The following SGMS1 variants were observed in gnomAD, a reference collection of about 807,000 sequenced individuals.
SGMS1 encodes the protein sphingomyelin synthase 1, also known as phosphatidylcholine:ceramide cholinephosphotransferase 1.
In SGMS1, 13 loss-of-function variants were observed where a neutral mutation model predicts 46.2. The observed-to-expected ratio is 0.28, with a 90% CI of 0.18 to 0.45. The LOEUF (loss-of-function observed/expected upper bound fraction) is 0.45. SGMS1 is among the 20% of genes least tolerant of loss of function. The probability of loss-of-function intolerance (pLI) is 1.00; values close to 1 mark genes in which losing one functional copy is unlikely to be tolerated. For synonymous variants in SGMS1, 203 were observed against 187.8 expected, an observed-to-expected ratio of 1.08 and a Z score of -0.66; for missense variants, 324 against 519.9, an observed-to-expected ratio of 0.62 and a Z score of 3.66.
chr10:50,574,291 A>C (rs1838361311), intron 2 of SGMS1, among the ~76,000 whole-genome samples: 1 of 152,150 alleles, frequency 6.6e-6, no homozygotes, highest in East Asian at 1.9e-4. Flanking sequence ...AACTCCAAAA[A>C]CTCAATAGCA....
chr10:50,413,436 T>C (rs1849128098), intron 6 of SGMS1, among the ~76,000 whole-genome samples: 1 of 152,242 alleles, frequency 6.6e-6, no homozygotes, highest in African/African-American at 2.4e-5. Context: ...TAAAGCTACT[T>C]GGTGATTTCG....
intron 7 of SGMS1, among the ~76,000 whole-genome samples, chr10:50,332,800 A>G (rs926506921): frequency 2.0e-5 from 3 of 150,856 alleles, no homozygotes; most frequent in African/African-American, 7.3e-5. Context: ...TTTTTAAAAA[A>G]TTTTCTGTAA....
At chr10:50,319,321 TC>T (rs948996661) in intron 8 of SGMS1, among the ~76,000 whole-genome samples, 35 of 152,288 alleles carry the variant, frequency 2.3e-4, no homozygotes, top group African/African-American at 8.2e-4. Context: ...TTTTCCTGGG[TC>T]CCTTGGGAAG....
At chr10:50,350,719 C>T (rs1898196) in intron 6 of SGMS1, among the ~76,000 whole-genome samples, 22,927 of 152,164 alleles carry the variant, frequency 0.15, 2,105 homozygotes, top group East Asian at 0.22. Flanking sequence ...GTTGAGCCTG[C>T]GGGTGCACAG....
At chr10:50,430,431 CATGT>C (rs1849391738) in intron 6 of SGMS1, among the ~76,000 whole-genome samples, 2 of 136,504 alleles carry the variant, frequency 1.5e-5, no homozygotes, top group South Asian at 4.6e-4. Context: ...GAAAATAAAG[CATGT>C]ATCTAATCTC....
chr10:50,586,601 A>C (rs1838486674), intron 2 of SGMS1, among the ~76,000 whole-genome samples: 1 of 152,246 alleles, frequency 6.6e-6, no homozygotes. Flanking sequence ...TAGAGAAAGT[A>C]ATAATGGCAG....
Position 50,576,705 on chromosome 10 carries a change from T to C in SGMS1, c.-589+13448A>G, listed in dbSNP as rs567137843. 1.2e-4 allele frequency among the ~76,000 whole-genome samples: 12 copies of C among 100,386 alleles called. No homozygotes were observed. In the South Asian group the frequency reaches 4.3e-3, roughly 36 times the overall value. The allele number at this position is 100,386 out of a possible 152,430, so 65.9% of individuals were successfully genotyped here. A position where few individuals can be genotyped will look rare whatever the true frequency, so the allele number is the denominator to read the frequency against. ...AAATTTTTTGAATCAGAAAATCATC[T>C]ATGTCATAAGTGCAACCCTTATTTC... On this transcript the variant is annotated intron_variant, in intron 2 of 10. Transcript: ENST00000361781.
At chr10:50,316,698 C>A (rs1000537779) in intron 8 of SGMS1, among the ~76,000 whole-genome samples, 2 of 152,152 alleles carry the variant, frequency 1.3e-5, no homozygotes, top group African/African-American at 4.8e-5. Context: ...TTATCATCCA[C>A]AAAATGCTAA....
intron 3 of SGMS1, among the ~76,000 whole-genome samples, chr10:50,467,974 G>A (rs977198234): frequency 2.6e-5 from 4 of 152,160 alleles, no homozygotes; most frequent in South Asian, 2.1e-4. Context: ...AGGAGGAATG[G>A]ACTTCTGGGA....
At chr10:50,505,776 T>C (rs972583191) in intron 3 of SGMS1, among the ~76,000 whole-genome samples, 12 of 152,084 alleles carry the variant, frequency 7.9e-5, no homozygotes, top group African/African-American at 2.9e-4. Context: ...GTGATGTACC[T>C]GAAGTGGTCA....
intron 6 of SGMS1, among the ~76,000 whole-genome samples, chr10:50,392,334 TAG>T (rs1564899632): frequency 6.6e-6 from 1 of 152,210 alleles, no homozygotes; most frequent in African/African-American, 2.4e-5. Context: ...TATATCCATT[TAG>T]AGAGTCTTAA....
At position 50,380,617 on chromosome 10, in the gene SGMS1, C is replaced by T. The variant is rs1403302146; in HGVS notation, c.-231-36272G>A. Among the ~76,000 whole-genome samples, 3 of 152,264 alleles carry T rather than the reference C, an allele frequency of 2.0e-5. No individual in the cohort carries two copies. The East Asian group carries it at 5.8e-4, about 29-fold the overall frequency. ...CCACTGCCTACCTGGCTTCGTCCTG[C>T]TGCCAGCGGAGTGCCAAAGCTATGG... On this transcript the variant is annotated intron_variant, in intron 6 of 10. Transcript: ENST00000361781.
chr10:50,565,604 T>C (rs1226251580), intron 2 of SGMS1, among the ~76,000 whole-genome samples: 2 of 152,240 alleles, frequency 1.3e-5, no homozygotes, highest in Non-Finnish European at 2.9e-5. Flanking sequence ...ATATACGCTC[T>C]GAACCCTTCA....
chr10:50,452,669 A>G (rs1160800069), intron 5 of SGMS1, among the ~76,000 whole-genome samples: 1 of 152,220 alleles, frequency 6.6e-6, no homozygotes, highest in African/African-American at 2.4e-5. Context: ...ATGATTGTAC[A>G]GAGCAAGAGA....
chr10:50,354,595 T>C (rs1177275472), intron 6 of SGMS1, among the ~76,000 whole-genome samples: 3 of 151,882 alleles, frequency 2.0e-5, no homozygotes, highest in South Asian at 2.1e-4. Context: ...ACAAATAGGA[T>C]CTAATTAAAC....
chr10:50,406,255 A>C (rs772414557), intron 6 of SGMS1, among the ~76,000 whole-genome samples: 6 of 152,148 alleles, frequency 3.9e-5, no homozygotes, highest in Non-Finnish European at 8.8e-5. Flanking sequence ...TCTGTAGAAA[A>C]TGCTAGAGAG....
intron 2 of SGMS1, among the ~76,000 whole-genome samples, chr10:50,560,265 T>C (rs1484070525): frequency 2.1e-5 from 3 of 141,894 alleles, no homozygotes; most frequent in African/African-American, 7.7e-5. Context: ...TAATATCTAA[T>C]GTATGTAATA....
intron 6 of SGMS1, among the ~76,000 whole-genome samples, chr10:50,348,016 T>C (rs1172814961): frequency 6.6e-6 from 1 of 152,162 alleles, no homozygotes; most frequent in Non-Finnish European, 1.5e-5. Context: ...GTCCTAACGC[T>C]TTCCCTCCCC....
intron 6 of SGMS1, among the ~76,000 whole-genome samples, chr10:50,350,987 A>G (rs10763357): frequency 0.46 from 70,425 of 151,804 alleles, 18,081 homozygotes; most frequent in African/African-American, 0.7. Flanking sequence ...TGCACCATGC[A>G]CCTGGAAAAG....
Sources: allele counts gnomAD v4.1 joint callset (sites outside exome capture counted in the v4.1 genomes callset), GRCh38; gene constraint gnomAD v4.1.1; transcripts MANE v1.5; gene names NCBI Gene and HGNC (gene_info 2026-07-23, HGNC 2026-07-21).